Variants in SLC7A9 observed in about 807,000 individuals in gnomAD.
The protein encoded by SLC7A9 is solute carrier family 7 member 9, also known as B(0,+)-type amino acid transporter 1.
A neutral mutation model predicts 54.1 loss-of-function variants in SLC7A9; 38 were observed. The observed-to-expected ratio is 0.70, with a 90% CI of 0.54 to 0.92. The LOEUF is 0.92. Among genes scored for constraint, SLC7A9 ranks in the 40% least tolerant of loss-of-function variants. SLC7A9 has a pLI of 0.00. For missense variants in SLC7A9, 537 were observed against 636.1 expected (o/e 0.84, Z 1.68); for synonymous variants, 264 against 258.9 (o/e 1.02, Z -0.19).
chr19:32,844,839 CAG>C (rs1158258829), intron 9 of SLC7A9, among the ~76,000 whole-genome samples: 15 of 92,314 alleles, frequency 1.6e-4, no homozygotes, highest in African/African-American at 6.0e-4. Context: ...GCCTGGACGA[CAG>C]AGTGAGAATC....
Position 32,843,659 on chromosome 19 carries a change from A to C in SLC7A9, c.1074+196T>G, listed in dbSNP as rs117148405. On this transcript the variant is annotated intron_variant, in intron 10 of 12. Transcript: ENST00000023064. ...GCACACAGAAGCATTGAGGGCATAC[A>C]CTGTCTTTCGTGGATAAATTCAGAC... Among the ~76,000 whole-genome samples the C allele has an allele frequency of 6.8e-3, 1,040 of 152,252 alleles. 7 individuals are homozygous for C. The highest frequency in any genetic ancestry group is 0.019 in the South Asian group (91 of 4,822).
At chr19:32,837,492 C>CAA (rs57648590) in intron 11 of SLC7A9, among the ~76,000 whole-genome samples, 16 of 54,538 alleles carry the variant, frequency 2.9e-4, no homozygotes, top group African/African-American at 4.7e-4. Flanking sequence ...GATTCCATCT[C>CAA]AAAAAAAAAA....
At position 32,835,055 on chromosome 19, in the gene SLC7A9, G is replaced by A. The variant is rs570159419; in HGVS notation, c.1225-1732C>T. On this transcript the variant is annotated intron_variant, in intron 11 of 12. Transcript: ENST00000023064. Reference sequence around the variant, plus strand: ...TCTGCCCATCTTGGCCTCCCAGAGCGCTGGGATTACAGGCATGAGCCAATC... The same window carrying A: ...TCTGCCCATCTTGGCCTCCCAGAGCACTGGGATTACAGGCATGAGCCAATC... Among the ~76,000 whole-genome samples, 17 of 152,300 alleles carry A rather than the reference G, an allele frequency of 1.1e-4. No individual in the cohort carries two copies. The East Asian group carries it at 1.3e-3, about 12-fold the overall frequency.
intron 9 of SLC7A9, among the ~76,000 whole-genome samples, chr19:32,845,225 T>C (rs1321541385): frequency 6.6e-6 from 1 of 152,128 alleles, no homozygotes; most frequent in Non-Finnish European, 1.5e-5. Flanking sequence ...CTGGGCATGG[T>C]GGCTGTCGCC....
intron 11 of SLC7A9, among the ~76,000 whole-genome samples, chr19:32,841,551 C>A (rs1296267403): frequency 6.6e-6 from 1 of 151,964 alleles, no homozygotes; most frequent in Non-Finnish European, 1.5e-5. Context: ...CACAGTGAGA[C>A]CCTGTCTCCA....
intron 9 of SLC7A9, among the ~76,000 whole-genome samples, chr19:32,857,465 A>G (rs1464097633): frequency 6.8e-6 from 1 of 147,124 alleles, no homozygotes; most frequent in Non-Finnish European, 1.5e-5. Context: ...GTTAATTAAA[A>G]TTTAAATTTA....
intron 11 of SLC7A9, among the ~76,000 whole-genome samples, chr19:32,834,271 C>T (rs1041855321): frequency 3.3e-5 from 5 of 152,182 alleles, no homozygotes; most frequent in Non-Finnish European, 4.4e-5. Context: ...CAGAGCCAGA[C>T]GTGGGTTTTC....
chr19:32,859,235 C>A (rs369378491), intron 8 of SLC7A9, among the ~76,000 whole-genome samples: 1 of 152,010 alleles, frequency 6.6e-6, no homozygotes, highest in Non-Finnish European at 1.5e-5. Context: ...GTAGCTGAGA[C>A]CACAGGCACT....
intron 11 of SLC7A9, among the ~76,000 whole-genome samples, chr19:32,840,714 G>C (rs1487442785): frequency 6.6e-6 from 1 of 152,050 alleles, no homozygotes; most frequent in Non-Finnish European, 1.5e-5. Flanking sequence ...AGGAGTTTTT[G>C]TGGGGAGTTT....
intron 9 of SLC7A9, among the ~76,000 whole-genome samples, chr19:32,845,000 T>G (rs1004871589): frequency 6.0e-5 from 9 of 149,310 alleles, no homozygotes; most frequent in South Asian, 4.3e-4. Context: ...CCATCTCTAC[T>G]AAAAATACAA....
At chr19:32,845,301 C>A (rs1359453723) in intron 9 of SLC7A9, among the ~76,000 whole-genome samples, 1 of 152,048 alleles carries the variant, frequency 6.6e-6, no homozygotes, top group Admixed American at 6.6e-5. Flanking sequence ...TCAAGACCAG[C>A]CTAACCAACA....
intron 9 of SLC7A9, among the ~76,000 whole-genome samples, chr19:32,855,025 A>G (rs1372263296): frequency 6.6e-6 from 1 of 152,242 alleles, no homozygotes; most frequent in African/African-American, 2.4e-5. Flanking sequence ...GTTATTCACC[A>G]CAGCCAAGAC....
chr19:32,840,732 C>T (rs1968104200), intron 11 of SLC7A9, among the ~76,000 whole-genome samples: 1 of 152,068 alleles, frequency 6.6e-6, no homozygotes, highest in Non-Finnish European at 1.5e-5. Flanking sequence ...TTTCTGGGAT[C>T]CTCAAGGGCT....
intron 8 of SLC7A9, 111 bp downstream of exon 8, chr19:32,859,730 C>T (rs534860004): frequency 1.9e-4 from 187 of 974,336 alleles, no homozygotes; most frequent in Non-Finnish European, 3.5e-5. Context: ...TGTCCCCGTC[C>T]GTGAATATCG....
chr19:32,862,639 G>A, intron 4 of SLC7A9, 53 bp from the exon 5 acceptor site: 1 of 1,570,192 alleles, frequency 6.4e-7, no homozygotes, highest in Admixed American at 1.8e-5. Context: ...AAGCCCTGGA[G>A]AGAGTCTCCT....
intron 9 of SLC7A9, among the ~76,000 whole-genome samples, chr19:32,849,268 C>T (rs1414008084): frequency 1.3e-5 from 2 of 151,986 alleles, no homozygotes; most frequent in African/African-American, 2.4e-5. Flanking sequence ...AAAGGATCAA[C>T]AAAATTGATA....
At chr19:32,831,892 A>G (rs1165675672) in intron 12 of SLC7A9, among the ~76,000 whole-genome samples, 2 of 152,258 alleles carry the variant, frequency 1.3e-5, no homozygotes, top group African/African-American at 2.4e-5. Context: ...GATGAGACGC[A>G]TGATGGTGGG....
chr19:32,833,412 T>A (rs1967865670), intron 11 of SLC7A9, 89 bp from the exon 12 acceptor site: 3 of 1,079,616 alleles, frequency 2.8e-6, no homozygotes, highest in Non-Finnish European at 4.2e-6. Flanking sequence ...GAGTATGAAC[T>A]CCATGTACCC....
intron 1 of SLC7A9, among the ~76,000 whole-genome samples, chr19:32,869,053 C>CAAAAAAAAAAAAAAAAA: frequency 9.2e-6 from 1 of 108,674 alleles, no homozygotes; most frequent in Non-Finnish European, 2.0e-5. Flanking sequence ...ACTAAAAATG[C>CAAAAAAAAAAAAAAAAA]AAAAAAAAAA....
Sources: gnomAD v4.1 joint callset for allele counts (sites outside exome capture counted in the v4.1 genomes callset) on GRCh38, gnomAD v4.1.1 for gene constraint, MANE v1.5 for transcripts, NCBI Gene and HGNC (gene_info 2026-07-23, HGNC 2026-07-21) for gene names.